ADAMTSL1: variants seen among roughly 807,000 people sequenced by gnomAD.
ADAMTSL1 encodes the protein ADAMTS-like protein 1.
ADAMTSL1 carries 126 observed loss-of-function variants against 201.8 expected under a neutral mutation model. That is an observed-to-expected ratio of 0.62 (90% CI 0.54 to 0.72). The LOEUF is 0.72. ADAMTSL1 is among the 30% of genes least tolerant of loss of function. ADAMTSL1 has a pLI of 0.00. For missense variants in ADAMTSL1, 2,679 were observed against 2,277.8 expected (o/e 1.18, Z -3.59); for synonymous variants, 1,121 against 903.4 (o/e 1.24, Z -4.32).
intron 1 of ADAMTSL1, among the ~76,000 whole-genome samples, chr9:18,500,873 C>A (rs1330802553): frequency 6.6e-6 from 1 of 152,196 alleles, no homozygotes; most frequent in Non-Finnish European, 1.5e-5. Flanking sequence ...TTGATATTAA[C>A]AGCTAAAGAC....
intron 1 of ADAMTSL1, among the ~76,000 whole-genome samples, chr9:17,991,730 G>A (rs185548503): frequency 6.6e-6 from 1 of 152,270 alleles, no homozygotes; most frequent in East Asian, 1.9e-4. Flanking sequence ...TGCATTGATA[G>A]TCAGACCTGC....
At chr9:18,871,915 G>C (rs1650677443) in intron 23 of ADAMTSL1, among the ~76,000 whole-genome samples, 1 of 152,158 alleles carries the variant, frequency 6.6e-6, no homozygotes, top group African/African-American at 2.4e-5. Context: ...GGCGTCTTCA[G>C]GCATCTTCAG....
chr9:18,468,310 T>C (rs1202144991), intron 2 of ADAMTSL1, among the ~76,000 whole-genome samples: 1 of 152,050 alleles, frequency 6.6e-6, no homozygotes, highest in Non-Finnish European at 1.5e-5. Flanking sequence ...CTGCAATGAG[T>C]TCTGTTTTGT....
chr9:18,221,841 CTTG>C (rs1587343041), intron 2 of ADAMTSL1, among the ~76,000 whole-genome samples: 1 of 151,780 alleles, frequency 6.6e-6, no homozygotes, highest in East Asian at 1.9e-4. Context: ...TATCTATATT[CTTG>C]TTGTTTTATT....
chr9:18,451,566 C>T (rs1033106741), intron 2 of ADAMTSL1, among the ~76,000 whole-genome samples: 2 of 152,164 alleles, frequency 1.3e-5, no homozygotes, highest in Non-Finnish European at 2.9e-5. Context: ...ATTACTCAAC[C>T]AGCTCTTGTG....
At chr9:18,033,050 A>C (rs376280602) in intron 1 of ADAMTSL1, among the ~76,000 whole-genome samples, 69 of 152,320 alleles carry the variant, frequency 4.5e-4, no homozygotes, top group African/African-American at 1.5e-3. Context: ...ATGCCTAGTT[A>C]GCCATCTTGT....
chr9:18,805,042 G>A (rs1823019637), intron 20 of ADAMTSL1, among the ~76,000 whole-genome samples: 1 of 152,030 alleles, frequency 6.6e-6, no homozygotes, highest in Non-Finnish European at 1.5e-5. Context: ...TCTTTTTTGT[G>A]TTTTAAACTG....
chr9:18,637,705 T>C (rs1827188371), intron 6 of ADAMTSL1, among the ~76,000 whole-genome samples: 1 of 152,178 alleles, frequency 6.6e-6, no homozygotes, highest in Non-Finnish European at 1.5e-5. Flanking sequence ...GCAAAATGAA[T>C]GTGGGAGTGA....
chr9:18,129,416 A>G (rs16936350), intron 1 of ADAMTSL1, among the ~76,000 whole-genome samples: 23,879 of 152,176 alleles, frequency 0.16, 2,164 homozygotes, highest in East Asian at 0.21. Context: ...TGGTTTGTTG[A>G]TGCCAAGTTG....
rs987261136 is a variant in ADAMTSL1 at position 18,533,380 on chromosome 9, A to G, written c.237+88A>G. On this transcript the variant is annotated intron_variant, in intron 3 of 28. Coordinates refer to ENST00000380548, the MANE Select transcript of ADAMTSL1 (RefSeq NM_001040272.6). ...GTTTTATATCCTGAGCAGGAAATCAACCAACTAGTATTTCACTGAGAGTTT... is the reference window on the plus strand; with the variant it reads ...GTTTTATATCCTGAGCAGGAAATCAGCCAACTAGTATTTCACTGAGAGTTT... 74 of 1,081,708 alleles carry G rather than the reference A, an allele frequency of 6.8e-5. 2 individuals carry two copies. The highest frequency in any genetic ancestry group is 2.4e-5 in the Non-Finnish European group (18 of 743,210). The allele number at this position is 1,081,708 out of a possible 1,614,324, so 67.0% of individuals were successfully genotyped here.
chr9:18,809,542 C>A (rs143167165), intron 20 of ADAMTSL1, among the ~76,000 whole-genome samples: 1 of 152,186 alleles, frequency 6.6e-6, no homozygotes, highest in Non-Finnish European at 1.5e-5. Context: ...GTAATCCCAG[C>A]ACTTTGGGAG....
intron 2 of ADAMTSL1, among the ~76,000 whole-genome samples, chr9:18,276,783 G>A (rs1283479879): frequency 6.6e-6 from 1 of 152,176 alleles, no homozygotes; most frequent in Non-Finnish European, 1.5e-5. Flanking sequence ...CTAATAAAGT[G>A]AGAACTCACT....
At chr9:18,036,053 G>A (rs992106194) in intron 1 of ADAMTSL1, among the ~76,000 whole-genome samples, 1 of 152,090 alleles carries the variant, frequency 6.6e-6, no homozygotes, top group Admixed American at 6.6e-5. Flanking sequence ...GCTACACAAG[G>A]GATCTCATGT....
rs1588325709 is a variant in ADAMTSL1 at position 18,892,612 on chromosome 9, G to T, written c.4851+16G>T. Reference sequence around the variant, plus strand: ...CTGGGGCCAGGTGAGGAGCCAGAGAGGTTGTTATTTGAAAGCTAAATCTAA... The same window carrying T: ...CTGGGGCCAGGTGAGGAGCCAGAGATGTTGTTATTTGAAAGCTAAATCTAA... On this transcript the variant is annotated intron_variant, in intron 26 of 28. Transcript: ENST00000380548. 1.3e-6 allele frequency: 2 copies of T among 1,550,798 alleles called. No individual in the cohort carries two copies. The highest frequency in any genetic ancestry group is 4.9e-5 in the East Asian group (2 of 40,986).
rs144609689 is a variant in ADAMTSL1 at position 18,528,816 on chromosome 9, A to G, written c.192-4431A>G. On this transcript the variant is annotated intron_variant, in intron 2 of 28. Coordinates refer to ENST00000380548, the MANE Select transcript of ADAMTSL1 (RefSeq NM_001040272.6). ...TAACTATTTTATAGTTTATATTGGG[A>G]GGACATATTTATTTAAATCCTCTCT... is the stretch of plus-strand genomic sequence containing the variant. Among the ~76,000 whole-genome samples, 519 of 152,194 alleles carry G rather than the reference A, an allele frequency of 3.4e-3. 1 individual carries two copies. Among genetic ancestry groups the G allele is most frequent in the African/African-American group, 0.012 (487 of 41,530 alleles).
chr9:18,010,107 A>G (rs192054266), intron 1 of ADAMTSL1, among the ~76,000 whole-genome samples: 3 of 152,102 alleles, frequency 2.0e-5, no homozygotes, highest in East Asian at 3.9e-4. Context: ...TAGAATACCA[A>G]TCACTGTACA....
intron 1 of ADAMTSL1, among the ~76,000 whole-genome samples, chr9:18,102,012 G>T (rs1182487409): frequency 6.6e-6 from 1 of 152,158 alleles, no homozygotes; most frequent in African/African-American, 2.4e-5. Flanking sequence ...TAGCTCCCGT[G>T]TGTGGGCATA....
At chr9:18,165,500 C>G (rs772286778) in intron 2 of ADAMTSL1, among the ~76,000 whole-genome samples, 1 of 151,790 alleles carries the variant, frequency 6.6e-6, no homozygotes, top group Non-Finnish European at 1.5e-5. Flanking sequence ...AAAATGAAAA[C>G]TGTCCATGCT....
chr9:18,684,987 A>T, intron 13 of ADAMTSL1, 187 bp downstream of exon 13: 5 of 1,364,034 alleles, frequency 3.7e-6, no homozygotes, highest in Non-Finnish European at 4.7e-6. Context: ...ATTGCATTGT[A>T]AATACTTCTG....
Sources: allele counts gnomAD v4.1 joint callset (sites outside exome capture counted in the v4.1 genomes callset), GRCh38; gene constraint gnomAD v4.1.1; transcripts MANE v1.5; gene names NCBI Gene and HGNC (gene_info 2026-07-23, HGNC 2026-07-21).